The following FSTL5 variants were observed in gnomAD, a reference collection of about 807,000 sequenced individuals.
The protein encoded by FSTL5 is follistatin like 5.
In FSTL5, 62 loss-of-function variants were observed where a neutral mutation model predicts 89.1. The observed-to-expected ratio is 0.70, with a 90% CI of 0.57 to 0.86. FSTL5 has a LOEUF of 0.86. Among genes scored for constraint, FSTL5 ranks in the 40% least tolerant of loss-of-function variants. FSTL5 has a pLI of 0.00. For missense variants in FSTL5, 1,057 were observed against 1,001.6 expected, an observed-to-expected ratio of 1.06 and a Z score of -0.75; for synonymous variants, 383 against 346.2, an observed-to-expected ratio of 1.11 and a Z score of -1.18.
chr4:161,553,363 A>C (rs1282160807), intron 8 of FSTL5, among the ~76,000 whole-genome samples: 1 of 151,468 alleles, frequency 6.6e-6, no homozygotes, highest in Non-Finnish European at 1.5e-5. Context: ...TCTATTACCT[A>C]AAATGGAAGG....
chr4:161,439,995 TGGAAGTTGCAGG>T (rs895173542), intron 15 of FSTL5, among the ~76,000 whole-genome samples: 1 of 152,136 alleles, frequency 6.6e-6, no homozygotes, highest in Non-Finnish European at 1.5e-5. Flanking sequence ...TTGCCATATC[TGGAAGTTGCAGG>T]GTCTGACAGA....
Position 161,386,227 on chromosome 4 carries a change from C to T in FSTL5, c.2064G>A (p.Gly688=), listed in dbSNP as rs1452108447. 6.2e-7 allele frequency: 1 copy of T among 1,613,862 alleles called. No individual in the cohort carries two copies. The highest frequency in any genetic ancestry group is 1.3e-5 in the African/African-American group (1 of 74,894). Residue 688 remains glycine, a synonymous_variant, in exon 16 of 16, where the codon GGG becomes GGA. Coordinates refer to ENST00000306100, the MANE Select transcript of FSTL5 (RefSeq NM_020116.5). ...GAGTGCCCGTCACATCACTATTGAA[C>T]CCAATGACTGAGTCAGTTACACCGT... The part of the protein sequence containing the change: ...MVDGVTDSVI[G]FNSDVTGTPY...
intron 4 of FSTL5, among the ~76,000 whole-genome samples, chr4:161,779,789 A>ATATATGTATATATATATATATG (rs1741573871): frequency 2.0e-5 from 1 of 51,076 alleles, no homozygotes; most frequent in Non-Finnish European, 3.1e-5. Context: ...ATATATATAT[A>ATATATGTATATATATATATATG]TATATATATA....
intron 4 of FSTL5, among the ~76,000 whole-genome samples, chr4:161,793,003 G>A (rs1219314526): frequency 1.3e-5 from 2 of 152,184 alleles, no homozygotes; most frequent in Non-Finnish European, 2.9e-5. Flanking sequence ...GACACTCTTT[G>A]GGTTTCTGCA....
At chr4:161,611,845 G>A (rs1047465546) in intron 7 of FSTL5, among the ~76,000 whole-genome samples, 1 of 152,172 alleles carries the variant, frequency 6.6e-6, no homozygotes, top group Non-Finnish European at 1.5e-5. Context: ...CCTGGGGAAG[G>A]CCCTCCAAAC....
At chr4:161,465,189 T>G (rs1028831804) in intron 13 of FSTL5, among the ~76,000 whole-genome samples, 1 of 152,252 alleles carries the variant, frequency 6.6e-6, no homozygotes, top group Non-Finnish European at 1.5e-5. Context: ...AAATAAGATT[T>G]TTTTAAGATT....
At chr4:161,726,428 A>G (rs1579050731) in intron 6 of FSTL5, among the ~76,000 whole-genome samples, 1 of 151,698 alleles carries the variant, frequency 6.6e-6, no homozygotes. Flanking sequence ...GGGTTTCACC[A>G]TATTGGTCAG....
At chr4:161,726,376 G>A (rs866904063) in intron 6 of FSTL5, among the ~76,000 whole-genome samples, 3 of 142,370 alleles carry the variant, frequency 2.1e-5, no homozygotes, top group Non-Finnish European at 4.7e-5. Flanking sequence ...ACTGGAGCAT[G>A]CCACCACGCC....
At chr4:161,572,818 A>C (rs1182278529) in intron 8 of FSTL5, among the ~76,000 whole-genome samples, 2 of 152,188 alleles carry the variant, frequency 1.3e-5, no homozygotes, top group Non-Finnish European at 2.9e-5. Flanking sequence ...ATCAGACTGT[A>C]GGAGAAGTGA....
chr4:161,517,911 TTAAAA>T (rs1296358720), intron 10 of FSTL5, among the ~76,000 whole-genome samples: 1 of 152,188 alleles, frequency 6.6e-6, no homozygotes, highest in African/African-American at 2.4e-5. Context: ...AAGGGCAACC[TTAAAA>T]TAAAAAATGT....
intron 12 of FSTL5, among the ~76,000 whole-genome samples, chr4:161,494,850 A>G (rs1434793091): frequency 2.0e-5 from 3 of 152,130 alleles, no homozygotes; most frequent in East Asian, 3.9e-4. Context: ...TCTTGAGCCC[A>G]GGAATTAGAG....
intron 1 of FSTL5, among the ~76,000 whole-genome samples, chr4:162,138,277 A>G (rs1361363796): frequency 2.0e-5 from 3 of 151,646 alleles, no homozygotes; most frequent in African/African-American, 7.3e-5. Context: ...AAAACTCTTC[A>G]GAGTTACAGA....
At chr4:161,917,248 G>A (rs905418944) in intron 4 of FSTL5, among the ~76,000 whole-genome samples, 3 of 152,058 alleles carry the variant, frequency 2.0e-5, no homozygotes, top group South Asian at 2.1e-4. Context: ...GAGCCACCGC[G>A]CCCAACCTTT....
chr4:161,975,376 G>A (rs999710685), intron 3 of FSTL5, among the ~76,000 whole-genome samples: 2 of 152,032 alleles, frequency 1.3e-5, no homozygotes, highest in African/African-American at 4.8e-5. Flanking sequence ...GTGATAGACT[G>A]GATTAAGAAA....
At chr4:161,591,266 A>G (rs1372713890) in intron 7 of FSTL5, among the ~76,000 whole-genome samples, 2 of 152,216 alleles carry the variant, frequency 1.3e-5, no homozygotes, top group South Asian at 2.1e-4. Flanking sequence ...GAGCATATCC[A>G]TAGACATAGA....
chr4:161,969,460 A>C (rs1735420376), intron 3 of FSTL5, among the ~76,000 whole-genome samples: 1 of 152,178 alleles, frequency 6.6e-6, no homozygotes, highest in Admixed American at 6.5e-5. Flanking sequence ...AAATAGCAGA[A>C]TTTGTTAGAA....
intron 15 of FSTL5, among the ~76,000 whole-genome samples, chr4:161,453,420 A>C (rs916767539): frequency 2.6e-5 from 4 of 152,166 alleles, no homozygotes; most frequent in Non-Finnish European, 5.9e-5. Context: ...TATCCTCATT[A>C]AATATGTATA....
At chr4:162,051,901 G>C (rs918311199) in intron 2 of FSTL5, among the ~76,000 whole-genome samples, 1 of 151,424 alleles carries the variant, frequency 6.6e-6, no homozygotes, top group Non-Finnish European at 1.5e-5. Context: ...TTCATCTGGT[G>C]TAAGAGGTTG....
intron 5 of FSTL5, among the ~76,000 whole-genome samples, chr4:161,771,575 T>C (rs889572911): frequency 6.6e-6 from 1 of 152,122 alleles, no homozygotes; most frequent in African/African-American, 2.4e-5. Flanking sequence ...ATTTCATCAA[T>C]TTAGGGCCAC....
Sources: gnomAD v4.1 joint callset for allele counts (sites outside exome capture counted in the v4.1 genomes callset) on GRCh38, gnomAD v4.1.1 for gene constraint, MANE v1.5 for transcripts, NCBI Gene and HGNC (gene_info 2026-07-23, HGNC 2026-07-21) for gene names.